Variants in MYO7B observed in about 807,000 individuals in gnomAD.
MYO7B encodes unconventional myosin-VIIb.
Under a neutral mutation model 259.7 loss-of-function variants are expected in MYO7B, and 212 were observed. That is an observed-to-expected ratio of 0.82 (90% CI 0.73 to 0.91). The LOEUF (loss-of-function observed/expected upper bound fraction) is 0.91, where lower values mean the gene tolerates loss of function less well. Ranked by LOEUF, MYO7B falls within the 40% of genes least tolerant of loss-of-function variation. MYO7B has a pLI of 0.00. For synonymous variants in MYO7B, 1,197 were observed against 1,166.4 expected (o/e 1.03, Z -0.54); for missense variants, 2,732 against 2,813.5 (o/e 0.97, Z 0.66).
chr2:127,549,648 C>T (rs2104815791), intron 1 of MYO7B, among the ~76,000 whole-genome samples: 1 of 152,266 alleles, frequency 6.6e-6, no homozygotes, highest in Non-Finnish European at 1.5e-5. Context: ...AGATGAGGTG[C>T]TATGGTCACT....
chr2:127,596,698 G>C, intron 19 of MYO7B, 142 bp downstream of exon 19: 1 of 686,540 alleles, frequency 1.5e-6, no homozygotes, highest in Non-Finnish European at 2.6e-6. Flanking sequence ...CTTCCAACCA[G>C]GGACACTGCA....
rs1680204740 is a variant in MYO7B, at chr2:127,607,545, C to A, written c.2643+121C>A. The A allele has an allele frequency of 2.5e-6, 2 of 800,802 alleles. No homozygotes were observed. The highest frequency in any genetic ancestry group is 5.4e-5 in the East Asian group (2 of 37,314). 49.6% of individuals were successfully genotyped at this position (800,802 alleles called of 1,614,324 possible). ...AGAAGCGCTTTGGAAAATCCCCCCG[C>A]CCCCGCCACAAGCCAAGACGTTAAA... On this transcript the variant is annotated intron_variant, in intron 21 of 47. Transcript: ENST00000409816. This position sits in a 1 kb window ranked among gnomAD's most constrained non-coding sequence, Gnocchi z 4.4.
Position 127,631,263 on chromosome 2 carries a change from C to T in MYO7B, c.4995C>T (p.Gly1665=), listed in dbSNP as rs550403014. ...TGCTGCCCCTGGCCCGTGCCCGTGG[C>T]CACCTGTGGGCCTATTCCTGCGAGC... ...MAVLPLARAR[G]HLWAYSCEPL... Residue 1665 remains glycine (G), a synonymous_variant, in exon 37 of 48, where the codon GGC becomes GGT. Coordinates refer to ENST00000409816, the MANE Select transcript of MYO7B (RefSeq NM_001393586.1). The T allele has an allele frequency of 6.2e-6, 10 of 1,611,368 alleles. No individual in the cohort carries two copies. Among genetic ancestry groups the T allele is most frequent in the African/African-American group, 5.3e-5 (4 of 75,024 alleles).
intron 24 of MYO7B, among the ~76,000 whole-genome samples, chr2:127,610,287 G>A (rs1331339706): frequency 1.3e-5 from 2 of 152,158 alleles, no homozygotes; most frequent in African/African-American, 4.8e-5. Context: ...GGTGTGACTT[G>A]AGCCAGATTC....
At chr2:127,606,029 G>GTA in intron 20 of MYO7B, 101 bp downstream of exon 20, 1 of 948,744 alleles carries the variant, frequency 1.1e-6, no homozygotes, top group Non-Finnish European at 1.6e-6. Flanking sequence ...AGAGACCTCA[G>GTA]GCAGGAAGGA....
Position 127,614,671 on chromosome 2 carries a change from C to T in MYO7B, c.3398+2068C>T, listed in dbSNP as rs1042131565. ...GACATGGGTCTCTTCTCTGGCAGCCCCCAGTTCTCCTGGGGTCCCCTTCAC... is the reference window on the plus strand; with the variant it reads ...GACATGGGTCTCTTCTCTGGCAGCCTCCAGTTCTCCTGGGGTCCCCTTCAC... On this transcript the variant is annotated intron_variant, in intron 26 of 47. Transcript: ENST00000409816. This position sits in a 1 kb window ranked among gnomAD's most constrained non-coding sequence, Gnocchi z 4.6. 6.6e-6 allele frequency among the ~76,000 whole-genome samples: 1 copy of T among 152,094 alleles called. No homozygotes were observed. The highest frequency in any genetic ancestry group is 1.5e-5 in the Non-Finnish European group (1 of 68,018).
Position 127,636,639 on chromosome 2 carries a change from G to C in MYO7B, c.6207+11G>C, listed in dbSNP as rs763250765. The C allele has an allele frequency of 3.7e-6, 6 of 1,610,466 alleles. No homozygotes were observed. The East Asian group carries it at 1.1e-4, about 30-fold the overall frequency. ...CACCCCAAGACCAAGGTAGCTGCTG[G>C]GCCTCCGGAGGGGCTGGGGGCCACC... On this transcript the variant is annotated intron_variant, in intron 46 of 47. Transcript: ENST00000409816. The surrounding 1 kb of genome is among the most constrained non-coding windows in gnomAD (Gnocchi z 4.5).
chr2:127,614,735 A>G lies in MYO7B; in HGVS notation c.3398+2132A>G, dbSNP rs112034000. 8.5e-3 allele frequency among the ~76,000 whole-genome samples: 1,290 copies of G among 152,204 alleles called. 20 individuals carry two copies. The highest frequency in any genetic ancestry group is 0.029 in the African/African-American group (1,212 of 41,536). On this transcript the variant is annotated intron_variant, in intron 26 of 47. Transcript: ENST00000409816. The surrounding 1 kb of genome is among the most constrained non-coding windows in gnomAD (Gnocchi z 4.6). ...TACAGGGAGTGGAAATGGGCCACAG[A>G]TCTCTCTATCCCCATGAAGTCCCTT...
At chr2:127,632,107 G>A in intron 38 of MYO7B, 139 bp from the exon 39 acceptor site, 1 of 1,028,272 alleles carries the variant, frequency 9.7e-7, no homozygotes, top group Non-Finnish European at 1.4e-6. Flanking sequence ...CAGCTGGCAT[G>A]GTGCAGCCTG....
chr2:127,572,609 CTT>C (rs1678694050), intron 6 of MYO7B, among the ~76,000 whole-genome samples: 1 of 150,336 alleles, frequency 6.7e-6, no homozygotes, highest in South Asian at 2.1e-4. Flanking sequence ...CTCCTTCTCT[CTT>C]TGTTTGTTTT....
chr2:127,618,874 C>G (rs1680695841), intron 26 of MYO7B, among the ~76,000 whole-genome samples: 1 of 152,162 alleles, frequency 6.6e-6, no homozygotes, highest in African/African-American at 2.4e-5. Context: ...AGGGCTGCTA[C>G]AGAGATCCAG....
Position 127,634,133 on chromosome 2 carries a change from C to T in MYO7B, c.5512-43C>T, listed in dbSNP as rs113154737. ...AAGGCTCATCCTGGGCTGTACTGGC[C>T]CCTAGCCAGGCCCCGGGCCTCACCA... On this transcript the variant is annotated intron_variant, in intron 40 of 47. Coordinates refer to ENST00000409816, the MANE Select transcript of MYO7B (RefSeq NM_001393586.1). 15 of 1,493,544 alleles carry T rather than the reference C, an allele frequency of 1.0e-5. No homozygotes were observed. In the African/African-American group the frequency reaches 1.7e-4, roughly 17 times the overall value. The allele number at this position is 1,493,544 out of a possible 1,614,324, so 92.5% of individuals were successfully genotyped here.
At chr2:127,637,227 T>C (rs372224079) in intron 47 of MYO7B, 89 bp from the exon 48 acceptor site, 2 of 1,040,542 alleles carry the variant, frequency 1.9e-6, no homozygotes, top group Middle Eastern at 2.0e-4. Context: ...GCACTGCTGG[T>C]TGCTGAGGAA....
rs538695877 is a variant in MYO7B, at chr2:127,636,044, C to T, written c.6006+137C>T. 1 of 1,150,206 alleles carries T rather than the reference C, an allele frequency of 8.7e-7. No individual in the cohort carries two copies. The highest frequency in any genetic ancestry group is 2.4e-5 in the Admixed American group (1 of 40,952). 71.3% of individuals were successfully genotyped at this position (1,150,206 alleles called of 1,614,324 possible). A position where few individuals can be genotyped will look rare whatever the true frequency, so the allele number is the denominator to read the frequency against. ...GTGGAGGGTGGGCTGGCTCTGCACACACCACGCCTTCCTATGCCATCCACA... is the reference window on the plus strand; with the variant it reads ...GTGGAGGGTGGGCTGGCTCTGCACATACCACGCCTTCCTATGCCATCCACA... On this transcript the variant is annotated intron_variant, in intron 44 of 47. Transcript: ENST00000409816. The surrounding 1 kb of genome is among the most constrained non-coding windows in gnomAD (Gnocchi z 4.5).
At chr2:127,552,344 G>T (rs1413967412) in intron 1 of MYO7B, among the ~76,000 whole-genome samples, 1 of 152,202 alleles carries the variant, frequency 6.6e-6, no homozygotes, top group Non-Finnish European at 1.5e-5. Context: ...AAGCCAGGAG[G>T]TGGGCTGGTA....
rs776101193 is a variant in MYO7B at position 127,624,343 on chromosome 2, C to T, written c.4047+23C>T. The T allele has an allele frequency of 7.1e-6, 11 of 1,544,816 alleles. 1 individual carries two copies. In the South Asian group the frequency reaches 1.2e-4, roughly 17 times the overall value. On this transcript the variant is annotated intron_variant, in intron 30 of 47. Transcript: ENST00000409816. The stretch of plus-strand genomic sequence containing the variant: ...AAGGTGAGGGGCCTGAGAGCCAGGT[C>T]CACCCTAGGCTTTGCCATCAGGAAA...
intron 19 of MYO7B, 105 bp downstream of exon 19, chr2:127,596,661 C>A (rs1354174833): frequency 3.3e-6 from 3 of 918,104 alleles, no homozygotes; most frequent in East Asian, 2.6e-5. Flanking sequence ...CTGGGCCCTC[C>A]CTGGGGTTAC....
In MYO7B at chr2:127,633,334, A is replaced by G; in HGVS notation, c.5482A>G (p.Lys1828Glu). 2.5e-6 allele frequency: 4 copies of G among 1,613,022 alleles called. No homozygotes were observed. The highest frequency in any genetic ancestry group is 1.3e-5 in the African/African-American group (1 of 75,052). ...GCAGAACGTCTCCCGCATCTGCCAC[A>G]AGATCTACTTCCCCAATGACACCAG... ...AEQNVSRICH[K>E]IYFPNDTSEM... The change falls in exon 40 of 48, where the codon AAG (lysine) becomes GAG (glutamate). Residue 1828 changes from lysine (K) to glutamate (E), a missense_variant. Around this residue, in one of 3 missense-constraint regions of MYO7B, gnomAD observed 821 missense variants for 769.3 expected, o/e 1.07. Coordinates refer to ENST00000409816, the MANE Select transcript of MYO7B (RefSeq NM_001393586.1).
At chr2:127,620,947 A>C (rs1306154618) in intron 27 of MYO7B, among the ~76,000 whole-genome samples, 1 of 152,212 alleles carries the variant, frequency 6.6e-6, no homozygotes, top group Non-Finnish European at 1.5e-5. Flanking sequence ...GAACATCTAA[A>C]ACCAAAATAA....
Sources: gnomAD v4.1 joint callset for allele counts (sites outside exome capture counted in the v4.1 genomes callset) on GRCh38, gnomAD v4.1.1 for gene constraint, gnomAD v4.1.1 regional missense constraint, Gnocchi (gnomAD v3.1) non-coding constraint, MANE v1.5 for transcripts, NCBI Gene and HGNC (gene_info 2026-07-23, HGNC 2026-07-21) for gene names.